UNC13C: variants seen among roughly 807,000 people sequenced by gnomAD.
UNC13C encodes the protein protein unc-13 homolog C.
Under a neutral mutation model 245.4 loss-of-function variants are expected in UNC13C, and 174 were observed. The observed-to-expected ratio is 0.71, with a 90% CI of 0.63 to 0.80. The LOEUF is 0.80. UNC13C is among the 30% of genes least tolerant of loss of function. UNC13C has a pLI of 0.00. For missense variants in UNC13C, 2,829 were observed against 2,602.9 expected (o/e 1.09, Z -1.89); for synonymous variants, 992 against 895.1 (o/e 1.11, Z -1.93).
At chr15:54,527,461 G>T (rs148742965) in intron 25 of UNC13C, among the ~76,000 whole-genome samples, 2 of 152,260 alleles carry the variant, frequency 1.3e-5, no homozygotes, top group East Asian at 3.9e-4. Context: ...AAACAGAGTA[G>T]AAACTAGAAT....
At chr15:53,986,473 A>G (rs1217963166) in intron 1 of UNC13C, among the ~76,000 whole-genome samples, 1 of 152,066 alleles carries the variant, frequency 6.6e-6, no homozygotes, top group Admixed American at 6.6e-5. Flanking sequence ...TTATTTGTTG[A>G]TTGTTGTTTT....
At chr15:54,603,995 T>G (rs1420036163) in intron 30 of UNC13C, among the ~76,000 whole-genome samples, 1 of 152,174 alleles carries the variant, frequency 6.6e-6, no homozygotes, top group Non-Finnish European at 1.5e-5. Context: ...CTTTCCCACT[T>G]ATTCAGAGCC....
intron 2 of UNC13C, among the ~76,000 whole-genome samples, chr15:54,051,870 C>A (rs947603673): frequency 6.9e-6 from 1 of 144,956 alleles, no homozygotes; most frequent in Non-Finnish European, 1.5e-5. Context: ...ACTAACTCGT[C>A]ATCTAGCATT....
At chr15:53,981,748 C>A (rs537251479) in intron 1 of UNC13C, among the ~76,000 whole-genome samples, 1 of 152,196 alleles carries the variant, frequency 6.6e-6, no homozygotes, top group Non-Finnish European at 1.5e-5. Context: ...CACTTGTAGT[C>A]TTTTAAGGCA....
chr15:54,174,042 T>A (rs2033517767), intron 4 of UNC13C, among the ~76,000 whole-genome samples: 1 of 152,204 alleles, frequency 6.6e-6, no homozygotes, highest in Admixed American at 6.5e-5. Flanking sequence ...ATGATAAACT[T>A]CAATAGGTCA....
intron 29 of UNC13C, among the ~76,000 whole-genome samples, chr15:54,561,450 G>C (rs12900512): frequency 0.31 from 46,585 of 151,820 alleles, 7,894 homozygotes; most frequent in East Asian, 0.53. Context: ...ACAGATGGGC[G>C]TTTACAGGCT....
intron 19 of UNC13C, among the ~76,000 whole-genome samples, chr15:54,426,402 G>A (rs2040760663): frequency 6.7e-6 from 1 of 150,002 alleles, no homozygotes; most frequent in Admixed American, 6.7e-5. Context: ...CATTTGGCCT[G>A]TGGCCACCTT....
intron 13 of UNC13C, among the ~76,000 whole-genome samples, chr15:54,300,768 T>C (rs1420301721): frequency 6.6e-6 from 1 of 152,198 alleles, no homozygotes; most frequent in Non-Finnish European, 1.5e-5. Context: ...CAGTGACTTA[T>C]TCCATATCTG....
At chr15:54,527,081 C>A (rs912366006) in intron 25 of UNC13C, among the ~76,000 whole-genome samples, 6 of 151,932 alleles carry the variant, frequency 3.9e-5, no homozygotes, top group African/African-American at 1.5e-4. Flanking sequence ...CTGTGTTGAG[C>A]CAAGGGTAGT....
chr15:53,866,865 A>G, the UNC13C span, among the ~76,000 whole-genome samples: 1 of 152,234 alleles, frequency 6.6e-6, no homozygotes, highest in African/African-American at 2.4e-5. Flanking sequence ...AAAAATATGT[A>G]AAACCATCAT....
chr15:54,182,504 T>A (rs1212424183), intron 4 of UNC13C, among the ~76,000 whole-genome samples: 2 of 152,068 alleles, frequency 1.3e-5, no homozygotes, highest in Non-Finnish European at 2.9e-5. Flanking sequence ...GGTTTTGGTA[T>A]CAGGGTGATG....
At chr15:53,870,306 T>C in the UNC13C span, among the ~76,000 whole-genome samples, 11 of 152,228 alleles carry the variant, frequency 7.2e-5, no homozygotes, top group Admixed American at 7.2e-4. Context: ...TATTTTTCTA[T>C]AATATTAACA....
intron 19 of UNC13C, among the ~76,000 whole-genome samples, chr15:54,421,129 T>TC (rs1364047982): frequency 6.6e-6 from 1 of 151,996 alleles, no homozygotes; most frequent in African/African-American, 2.4e-5. Context: ...ACTATCATTA[T>TC]CCCCCTTTTA....
chr15:54,581,519 C>G (rs1269224894), intron 30 of UNC13C, among the ~76,000 whole-genome samples: 4 of 152,218 alleles, frequency 2.6e-5, no homozygotes, highest in Non-Finnish European at 1.5e-5. Context: ...CTTCACATGG[C>G]TGAGAGAGAG....
At chr15:53,963,558 C>G in the UNC13C span, among the ~76,000 whole-genome samples, 2 of 152,146 alleles carry the variant, frequency 1.3e-5, no homozygotes, top group African/African-American at 4.8e-5. Flanking sequence ...TCAGTATCAG[C>G]CACAGGGTGA....
chr15:53,964,824 C>T, the UNC13C span, among the ~76,000 whole-genome samples: 20 of 152,236 alleles, frequency 1.3e-4, no homozygotes, highest in East Asian at 3.9e-3. Context: ...TCTTTTGGCA[C>T]TTTGGAGGAT....
At chr15:54,503,133 T>A (rs1011485158) in intron 22 of UNC13C, among the ~76,000 whole-genome samples, 1 of 152,084 alleles carries the variant, frequency 6.6e-6, no homozygotes, top group Non-Finnish European at 1.5e-5. Flanking sequence ...ATTGGTGCAA[T>A]AAAAAATTCA....
At chr15:53,867,103 A>G in the UNC13C span, among the ~76,000 whole-genome samples, 1 of 152,204 alleles carries the variant, frequency 6.6e-6, no homozygotes. Flanking sequence ...GCAACATTTT[A>G]TCAGCAATTA....
chr15:54,340,048 G>A (rs999930013), intron 17 of UNC13C, among the ~76,000 whole-genome samples: 1 of 152,120 alleles, frequency 6.6e-6, no homozygotes, highest in Non-Finnish European at 1.5e-5. Flanking sequence ...TAGTTAGGTT[G>A]AGCATTTTTT....
Sources: allele counts gnomAD v4.1 joint callset (sites outside exome capture counted in the v4.1 genomes callset), GRCh38; gene constraint gnomAD v4.1.1; transcripts MANE v1.5; gene names NCBI Gene and HGNC (gene_info 2026-07-23, HGNC 2026-07-21).